ARL6IP6: variants seen among roughly 807,000 people sequenced by gnomAD.
ARL6IP6 encodes the protein ADP-ribosylation factor-like protein 6-interacting protein 6.
ARL6IP6 carries 22 observed loss-of-function variants against 21.5 expected under a neutral mutation model. That is an observed-to-expected ratio of 1.02 (90% CI 0.73 to 1.46). The LOEUF is 1.46. ARL6IP6 is among the 40% of genes most tolerant of loss of function. ARL6IP6 has a pLI of 0.00. For synonymous variants in ARL6IP6, 164 were observed against 125.3 expected (o/e 1.31, Z -2.06); for missense variants, 388 against 299.8 (o/e 1.29, Z -2.17).
chr2:152,754,923 C>A (rs950310725), intron 3 of ARL6IP6, among the ~76,000 whole-genome samples: 1 of 152,110 alleles, frequency 6.6e-6, no homozygotes, highest in Middle Eastern at 3.2e-3. Flanking sequence ...AGGGCATGAG[C>A]TGTTCCACTA....
intron 3 of ARL6IP6, among the ~76,000 whole-genome samples, chr2:152,752,801 C>T (rs1036372338): frequency 1.3e-5 from 2 of 152,092 alleles, no homozygotes; most frequent in South Asian, 2.1e-4. Flanking sequence ...TTTGTTACTC[C>T]GGTGTGGGGA....
chr2:152,732,013 A>G (rs190261659), intron 2 of ARL6IP6, among the ~76,000 whole-genome samples: 10 of 152,196 alleles, frequency 6.6e-5, no homozygotes, highest in Admixed American at 6.5e-4. Flanking sequence ...GTATGGATGT[A>G]CTTAATTAAC....
intron 2 of ARL6IP6, among the ~76,000 whole-genome samples, chr2:152,723,126 G>A (rs1204219582): frequency 2.0e-5 from 3 of 152,172 alleles, no homozygotes; most frequent in Non-Finnish European, 2.9e-5. Flanking sequence ...ACGCTGAGTT[G>A]ATTAACTTAG....
chr2:152,749,368 C>T (rs1488702854), intron 3 of ARL6IP6, among the ~76,000 whole-genome samples: 2 of 151,854 alleles, frequency 1.3e-5, no homozygotes, highest in Non-Finnish European at 2.9e-5. Context: ...TTAATTCTCC[C>T]ATTTCTTTCT....
At chr2:152,732,394 C>G (rs1045518985) in intron 2 of ARL6IP6, 1 of 236,120 alleles carries the variant, frequency 4.2e-6, no homozygotes. Context: ...AAAAATGATA[C>G]CTAATTTCTC....
rs67760283 is a variant in ARL6IP6 at position 152,746,001 on chromosome 2, C to CTTTTTTT, written c.587+10902_587+10908dup. ...CAGCTAATGAGTGCTTGCTTTGTAC[C>CTTTTTTT]TTTTTTTTTTTTTTTTTTTTTTTTT... is the stretch of plus-strand genomic sequence containing the variant. On this transcript the variant is annotated intron_variant, in intron 3 of 3. Coordinates refer to ENST00000326446, the MANE Select transcript of ARL6IP6 (RefSeq NM_152522.7). 3.6e-3 allele frequency among the ~76,000 whole-genome samples: 238 copies of CTTTTTTT among 66,340 alleles called. 8 individuals are homozygous for CTTTTTTT. The highest frequency in any genetic ancestry group is 0.01 in the Middle Eastern group (1 of 96). The allele number at this position is 66,340 out of a possible 152,430, so 43.5% of individuals were successfully genotyped here.
At chr2:152,717,897 G>T (rs1029724152), upstream of ARL6IP6, 2 of 1,012,612 alleles carry the variant, frequency 2.0e-6, no homozygotes, top group African/African-American at 1.7e-5. Context: ...CGGTGGCTGG[G>T]ACCGAATGCG....
At chr2:152,741,738 T>C (rs1700818983) in intron 3 of ARL6IP6, among the ~76,000 whole-genome samples, 1 of 152,204 alleles carries the variant, frequency 6.6e-6, no homozygotes, top group African/African-American at 2.4e-5. Flanking sequence ...GCAAGATATA[T>C]TTCCAGATAG....
rs1699401681 is a variant in ARL6IP6 at position 152,718,660 on chromosome 2, G to A, written c.36G>A (p.Leu12=). ...SFAESGWRSA[L]RRRGPGTPGP... ...CTGAGAGCGGGTGGCGGTCGGCTCTGCGGCGCCGCGGTCCCGGCACCCCGG... is the reference window on the plus strand; with the variant it reads ...CTGAGAGCGGGTGGCGGTCGGCTCTACGGCGCCGCGGTCCCGGCACCCCGG... The change falls in exon 1 of 4, where the codon CTG becomes CTA. Residue 12 remains leucine (L), a synonymous_variant. Coordinates refer to ENST00000326446, the MANE Select transcript of ARL6IP6 (RefSeq NM_152522.7). The A allele has an allele frequency of 6.4e-7, 1 of 1,565,658 alleles. No homozygotes were observed. The highest frequency in any genetic ancestry group is 1.9e-5 in the Admixed American group (1 of 52,662).
chr2:152,720,544 G>A lies in ARL6IP6; in HGVS notation c.412G>A (p.Glu138Lys). 1 of 1,613,934 alleles carries A rather than the reference G, an allele frequency of 6.2e-7. No homozygotes were observed. Among genetic ancestry groups the A allele is most frequent in the Non-Finnish European group, 8.5e-7 (1 of 1,179,870 alleles). The change falls in exon 2 of 4, where the codon GAG (glutamate) becomes AAG (lysine). Residue 138 changes from glutamate (E) to lysine (K), a missense_variant. Transcript: ENST00000326446. Reference protein sequence around the residue: ...AYLIVKELHAENLKNEDDVDT... With the variant: ...AYLIVKELHAKNLKNEDDVDT... ...CTTTGTATTTGCAGAGTTGCATGCTGAGAATTTGAAAAATGAAGATGATGT... is the reference window on the plus strand; with the variant it reads ...CTTTGTATTTGCAGAGTTGCATGCTAAGAATTTGAAAAATGAAGATGATGT...
At chr2:152,749,722 G>A (rs1701231219) in intron 3 of ARL6IP6, among the ~76,000 whole-genome samples, 3 of 152,152 alleles carry the variant, frequency 2.0e-5, no homozygotes, top group African/African-American at 7.2e-5. Context: ...TCAGACCCGT[G>A]TTTATCTAAT....
At chr2:152,719,980 G>C (rs895921760) in intron 1 of ARL6IP6, 1 of 232,978 alleles carries the variant, frequency 4.3e-6, no homozygotes, top group Non-Finnish European at 9.1e-6. Context: ...GCCAGTTGAT[G>C]TGGGTTTTAC....
chr2:152,717,966 A>C (rs975431038), upstream of ARL6IP6: 10 of 1,005,806 alleles, frequency 9.9e-6, no homozygotes, highest in East Asian at 2.2e-4. Context: ...AGGGGTTCGG[A>C]GGAGAGGGTT....
Position 152,761,607 on chromosome 2 carries a change from T to G in ARL6IP6, c.*1767T>G, listed in dbSNP as rs143258459. Among the ~76,000 whole-genome samples, 11 of 152,364 alleles carry G rather than the reference T, an allele frequency of 7.2e-5. No homozygotes were observed. The highest frequency in any genetic ancestry group is 2.6e-4 in the African/African-American group (11 of 41,594). On this transcript the variant is annotated 3_prime_UTR_variant, in exon 4 of 4. Transcript: ENST00000326446. Reference sequence around the variant, plus strand: ...TTTTGGTCACAACGAACTGTACTTATGATAGTGAATCCCCCCGTAAGATTA... The same window carrying G: ...TTTTGGTCACAACGAACTGTACTTAGGATAGTGAATCCCCCCGTAAGATTA...
chr2:152,727,052 C>T (rs1459365505), intron 2 of ARL6IP6, among the ~76,000 whole-genome samples: 4 of 152,096 alleles, frequency 2.6e-5, no homozygotes, highest in African/African-American at 9.7e-5. Context: ...TGTAAAACAG[C>T]CTCAGGCAGG....
intron 3 of ARL6IP6, among the ~76,000 whole-genome samples, chr2:152,750,432 C>T (rs921503167): frequency 1.4e-5 from 2 of 147,376 alleles, no homozygotes; most frequent in African/African-American, 2.5e-5. Context: ...GCCAAGATCA[C>T]ACCACTGCAC....
intron 2 of ARL6IP6, among the ~76,000 whole-genome samples, chr2:152,731,350 T>C (rs1047011108): frequency 5.3e-5 from 8 of 152,226 alleles, no homozygotes; most frequent in Non-Finnish European, 1.0e-4. Flanking sequence ...GTTACTGAGC[T>C]TCACAAGATT....
intron 3 of ARL6IP6, among the ~76,000 whole-genome samples, chr2:152,736,046 A>G (rs998119312): frequency 1.3e-5 from 2 of 152,084 alleles, no homozygotes; most frequent in East Asian, 3.9e-4. Context: ...ATTTGTATAT[A>G]TGTGTATTAT....
chr2:152,755,765 G>A (rs1022699418), intron 3 of ARL6IP6, among the ~76,000 whole-genome samples: 4 of 152,130 alleles, frequency 2.6e-5, no homozygotes, highest in African/African-American at 9.7e-5. Flanking sequence ...TGGTGGTAGT[G>A]GTCCCCCGGG....
Sources: gnomAD v4.1 joint callset for allele counts (sites outside exome capture counted in the v4.1 genomes callset) on GRCh38, gnomAD v4.1.1 for gene constraint, MANE v1.5 for transcripts, NCBI Gene and HGNC (gene_info 2026-07-23, HGNC 2026-07-21) for gene names.